Variants in ZDHHC2 observed in about 807,000 individuals in gnomAD.
ZDHHC2 encodes the protein palmitoyltransferase ZDHHC2.
ZDHHC2 carries 51 observed loss-of-function variants against 55.6 expected under a neutral mutation model. That is an observed-to-expected ratio of 0.92 (90% CI 0.73 to 1.16). The LOEUF is 1.16. Ranked by LOEUF, ZDHHC2 falls within the 50% of genes most tolerant of loss-of-function variation. The probability of loss-of-function intolerance (pLI) is 0.00; values close to 1 mark genes in which losing one functional copy is unlikely to be tolerated. For missense variants in ZDHHC2, 491 were observed against 442.4 expected, an observed-to-expected ratio of 1.11 and a Z score of -0.99; for synonymous variants, 199 against 152.9, an observed-to-expected ratio of 1.30 and a Z score of -2.22.
intron 3 of ZDHHC2, 139 bp from the exon 4 acceptor site, chr8:17,195,365 G>A (rs540527517): frequency 2.1e-5 from 21 of 997,134 alleles, no homozygotes; most frequent in South Asian, 3.7e-5. Context: ...ACTTGCCCAC[G>A]TTTCAAACTC....
chr8:17,203,810 T>C (rs1331046185), intron 6 of ZDHHC2, among the ~76,000 whole-genome samples: 2 of 12,194 alleles, frequency 1.6e-4, no homozygotes, highest in Non-Finnish European at 1.6e-3. Flanking sequence ...CTTTTTTTTC[T>C]TTTTTTTTTT....
chr8:17,210,038 G>A lies in ZDHHC2; in HGVS notation c.837G>A (p.Trp279Ter). Residue 279 changes from tryptophan to a stop codon, truncating the protein, a stop_gained, in exon 9 of 13, where the codon TGG (tryptophan) becomes TGA (stop). Coordinates refer to ENST00000262096, the MANE Select transcript of ZDHHC2 (RefSeq NM_016353.5). LOFTEE classifies it high-confidence loss of function. Reference protein sequence around the residue: ...RQVFGDEKKYWLLPIFSSLGD... With the variant: ...RQVFGDEKKY ...TTTTTGGTGATGAGAAGAAGTACTG[G>A]TTGCTACCCATTTTTTCAAGGTACT... The A allele has an allele frequency of 6.2e-7, 1 of 1,603,774 alleles. No homozygotes were observed. Among genetic ancestry groups the A allele is most frequent in the Non-Finnish European group, 8.5e-7 (1 of 1,174,630 alleles).
intron 1 of ZDHHC2, among the ~76,000 whole-genome samples, chr8:17,171,167 G>A (rs1319587458): frequency 6.6e-6 from 1 of 152,160 alleles, no homozygotes; most frequent in Non-Finnish European, 1.5e-5. Context: ...AAACAATTCA[G>A]TGGTTGTAGG....
chr8:17,206,344 G>A (rs2904675), intron 7 of ZDHHC2, among the ~76,000 whole-genome samples: 148,023 of 152,258 alleles, frequency 0.97, 72,107 homozygotes, highest in East Asian at 1. Flanking sequence ...AATAAGGTGC[G>A]TTTAAGTAGA....
chr8:17,184,668 T>C (rs1805618757), intron 1 of ZDHHC2, 121 bp from the exon 2 acceptor site: 2 of 800,554 alleles, frequency 2.5e-6, no homozygotes. Flanking sequence ...TGAATAAATA[T>C]TTAGAGAATG....
rs1458058532 is a variant in ZDHHC2, at chr8:17,222,421, T to C, written c.*2200T>C. On this transcript the variant is annotated 3_prime_UTR_variant, in exon 13 of 13. Transcript: ENST00000262096. ...AAAATTTACCTTTAAGTATTTACTT[T>C]AAAAAATTTAATGGCTTAACTCGAA... 2 of 151,858 alleles carry C rather than the reference T, an allele frequency of 1.3e-5. No individual in the cohort carries two copies. Among genetic ancestry groups the C allele is most frequent in the African/African-American group, 4.8e-5 (2 of 41,422 alleles). 9.4% of individuals were successfully genotyped at this position (151,858 alleles called of 1,614,324 possible).
At chr8:17,193,494 G>C (rs533217470) in intron 3 of ZDHHC2, among the ~76,000 whole-genome samples, 1 of 152,238 alleles carries the variant, frequency 6.6e-6, no homozygotes, top group Non-Finnish European at 1.5e-5. Flanking sequence ...CCGAAGTCAG[G>C]ATAGCATTGG....
intron 1 of ZDHHC2, among the ~76,000 whole-genome samples, chr8:17,159,243 C>G (rs1480664934): frequency 6.6e-6 from 1 of 152,204 alleles, no homozygotes; most frequent in Non-Finnish European, 1.5e-5. Flanking sequence ...TCTCAGACTG[C>G]CCTGCCCTTT....
At chr8:17,205,389 G>A (rs750498226) in intron 6 of ZDHHC2, among the ~76,000 whole-genome samples, 2 of 152,194 alleles carry the variant, frequency 1.3e-5, no homozygotes, top group Non-Finnish European at 2.9e-5. Flanking sequence ...TGAGGGATGT[G>A]CATACTTGCG....
At chr8:17,196,875 C>T (rs755018982) in intron 4 of ZDHHC2, among the ~76,000 whole-genome samples, 2 of 151,422 alleles carry the variant, frequency 1.3e-5, no homozygotes, top group African/African-American at 4.9e-5. Flanking sequence ...GACACCAGTG[C>T]ACTCCAGCCT....
intron 1 of ZDHHC2, among the ~76,000 whole-genome samples, chr8:17,180,913 C>T (rs961815023): frequency 7.9e-5 from 12 of 152,308 alleles, no homozygotes; most frequent in African/African-American, 2.4e-4. Context: ...CTTATAGACC[C>T]TGTCTGTCTT....
At chr8:17,218,782 A>G (rs1807767741) in intron 12 of ZDHHC2, among the ~76,000 whole-genome samples, 1 of 152,194 alleles carries the variant, frequency 6.6e-6, no homozygotes, top group African/African-American at 2.4e-5. Context: ...TATTCTATCG[A>G]TACAACCAGT....
intron 1 of ZDHHC2, among the ~76,000 whole-genome samples, chr8:17,169,159 A>G (rs1024260494): frequency 6.6e-6 from 1 of 151,822 alleles, no homozygotes; most frequent in Non-Finnish European, 1.5e-5. Flanking sequence ...AAGCCTGTAT[A>G]TGCCCTTGTA....
intron 7 of ZDHHC2, among the ~76,000 whole-genome samples, chr8:17,207,243 T>C (rs866380019): frequency 1.2e-4 from 19 of 152,188 alleles, no homozygotes; most frequent in Admixed American, 1.2e-3. Context: ...GGTGCTTCGA[T>C]AGGTGTCCAT....
chr8:17,191,944 T>G (rs2150917052), intron 3 of ZDHHC2, among the ~76,000 whole-genome samples: 1 of 152,284 alleles, frequency 6.6e-6, no homozygotes, highest in South Asian at 2.1e-4. Flanking sequence ...GGTTCCCTTT[T>G]CTCCACCATC....
chr8:17,181,343 T>TA (rs1805423346), intron 1 of ZDHHC2, among the ~76,000 whole-genome samples: 1 of 152,224 alleles, frequency 6.6e-6, no homozygotes, highest in Admixed American at 6.5e-5. Context: ...CTGGAAGTTG[T>TA]AACGTTTTTG....
At chr8:17,214,763 T>A (rs1807564151) in intron 10 of ZDHHC2, among the ~76,000 whole-genome samples, 1 of 151,762 alleles carries the variant, frequency 6.6e-6, no homozygotes, top group South Asian at 2.1e-4. Context: ...ACAAAATAAT[T>A]AGCTGAGGGT....
chr8:17,199,612 C>CTTCCTTTCTTCTTCTTCTTCTTCTTCCT (rs1554466230), intron 6 of ZDHHC2, among the ~76,000 whole-genome samples: 1 of 68,828 alleles, frequency 1.5e-5, no homozygotes, highest in Non-Finnish European at 4.1e-5. Context: ...ATTCTTTCTT[C>CTTCCTTTCTTCTTCTTCTTCTTCTTCCT]TTCTTCTTCT....
chr8:17,206,473 G>A (rs1424413706), intron 7 of ZDHHC2, among the ~76,000 whole-genome samples: 1 of 152,138 alleles, frequency 6.6e-6, no homozygotes, highest in East Asian at 1.9e-4. Context: ...CACAAGTTCA[G>A]TGTTTGTGGA....
Sources: allele counts gnomAD v4.1 joint callset (sites outside exome capture counted in the v4.1 genomes callset), GRCh38; gene constraint gnomAD v4.1.1; transcripts MANE v1.5; gene names NCBI Gene and HGNC (gene_info 2026-07-23, HGNC 2026-07-21).